Variants in ADARB2 observed in about 807,000 individuals in gnomAD.
ADARB2 encodes adenosine deaminase RNA specific B2 (inactive), also known as inactive double-stranded RNA-specific editase B2.
A neutral mutation model predicts 62.2 loss-of-function variants in ADARB2; 25 were observed. The ratio of observed to expected loss-of-function variants is 0.40; its 90% CI spans 0.29 to 0.56. The LOEUF (loss-of-function observed/expected upper bound fraction) is 0.56, where lower values mean the gene tolerates loss of function less well. ADARB2 is among the 20% of genes least tolerant of loss of function. ADARB2 has a pLI of 0.43. For synonymous variants in ADARB2, 572 were observed against 500.8 expected (o/e 1.14, Z -1.90); for missense variants, 1,071 against 1,077.4 (o/e 0.99, Z 0.08).
At chr10:1,195,400 G>GTT (rs1236059124) in intron 8 of ADARB2, among the ~76,000 whole-genome samples, 1 of 116,436 alleles carries the variant, frequency 8.6e-6, no homozygotes, top group African/African-American at 4.5e-5. Flanking sequence ...TTTTTTTTTT[G>GTT]TTTTTTTTTT....
chr10:1,443,865 G>T (rs149492773), intron 1 of ADARB2, among the ~76,000 whole-genome samples: 3 of 152,254 alleles, frequency 2.0e-5, no homozygotes, highest in African/African-American at 4.8e-5. Flanking sequence ...GGAAGGTAAA[G>T]AAATGTTTCC....
At chr10:1,216,527 C>T in intron 7 of ADARB2, 1 of 193,954 alleles carries the variant, frequency 5.2e-6, no homozygotes, top group South Asian at 9.3e-5. Context: ...ACCCAGCTGA[C>T]CTCAAGGCCT....
chr10:1,375,955 AT>A (rs1832423879), intron 2 of ADARB2, among the ~76,000 whole-genome samples: 1 of 31,422 alleles, frequency 3.2e-5, no homozygotes, highest in Non-Finnish European at 7.8e-4. Context: ...CACCACACAC[AT>A]GCACACACAC....
At chr10:1,317,715 A>G (rs1831751944) in intron 3 of ADARB2, among the ~76,000 whole-genome samples, 2 of 142,520 alleles carry the variant, frequency 1.4e-5, no homozygotes, top group Admixed American at 7.1e-5. Flanking sequence ...GGGTCCCCCA[A>G]AAGCCCATCA....
At chr10:1,430,869 C>T (rs1588255421) in intron 1 of ADARB2, among the ~76,000 whole-genome samples, 3 of 152,294 alleles carry the variant, frequency 2.0e-5, no homozygotes, top group African/African-American at 7.2e-5. Flanking sequence ...ACATAACTAT[C>T]CTAAATTTAG....
chr10:1,253,586 T>C (rs1489047893), intron 4 of ADARB2, among the ~76,000 whole-genome samples: 1 of 152,172 alleles, frequency 6.6e-6, no homozygotes, highest in Admixed American at 6.5e-5. Context: ...GATAAAAAAC[T>C]GTGCAGTCTC....
chr10:1,522,919 C>G (rs886693688), intron 1 of ADARB2, among the ~76,000 whole-genome samples: 1 of 152,118 alleles, frequency 6.6e-6, no homozygotes, highest in Non-Finnish European at 1.5e-5. Context: ...ATGGCAGGAG[C>G]GACTCCTCTC....
intron 1 of ADARB2, among the ~76,000 whole-genome samples, chr10:1,634,226 C>T (rs1045268518): frequency 6.6e-6 from 1 of 152,196 alleles, no homozygotes; most frequent in African/African-American, 2.4e-5. Context: ...GACTCAATGG[C>T]CCAAGACCTA....
intron 1 of ADARB2, among the ~76,000 whole-genome samples, chr10:1,620,208 C>A (rs1304118831): frequency 6.6e-6 from 1 of 151,576 alleles, no homozygotes; most frequent in Non-Finnish European, 1.5e-5. Flanking sequence ...AATAGAAAAC[C>A]AAAAAAATCA....
intron 1 of ADARB2, among the ~76,000 whole-genome samples, chr10:1,655,414 C>T (rs994071284): frequency 2.0e-5 from 3 of 152,210 alleles, no homozygotes; most frequent in South Asian, 2.1e-4. Flanking sequence ...GCATCTTTTC[C>T]GGGCTGAGTT....
intron 1 of ADARB2, among the ~76,000 whole-genome samples, chr10:1,543,320 G>C (rs1588295308): frequency 1.3e-5 from 2 of 152,242 alleles, no homozygotes; most frequent in East Asian, 3.9e-4. Context: ...TGGGTCTGCA[G>C]TGCAGTCAAG....
chr10:1,667,374 AT>A (rs1234186051), intron 1 of ADARB2, among the ~76,000 whole-genome samples: 1 of 152,236 alleles, frequency 6.6e-6, no homozygotes, highest in Non-Finnish European at 1.5e-5. Context: ...AATTTGGTGT[AT>A]TTAAGTTGAA....
intron 1 of ADARB2, among the ~76,000 whole-genome samples, chr10:1,455,443 A>G (rs773683653): frequency 1.3e-5 from 2 of 152,238 alleles, no homozygotes; most frequent in Non-Finnish European, 2.9e-5. Flanking sequence ...TGAAGCAGCT[A>G]GATCTAAATG....
In ADARB2 at chr10:1,698,303, A is replaced by T. The variant is rs1470147570; in HGVS notation, c.100+38748T>A. Reference sequence around the variant, plus strand: ...CAGGTGCGGGACACGGAACATTGCCACCCGTGGAATGAGGAATAGAGCTTG... The same window carrying T: ...CAGGTGCGGGACACGGAACATTGCCTCCCGTGGAATGAGGAATAGAGCTTG... On this transcript the variant is annotated intron_variant, in intron 1 of 9. Transcript: ENST00000381312. Among the ~76,000 whole-genome samples the T allele has an allele frequency of 4.6e-5, 7 of 152,242 alleles. No individual in the cohort carries two copies. In the East Asian group the frequency reaches 1.4e-3, roughly 29 times the overall value.
chr10:1,364,139 A>G (rs938385272), intron 2 of ADARB2, among the ~76,000 whole-genome samples: 6 of 152,212 alleles, frequency 3.9e-5, no homozygotes, highest in Admixed American at 3.9e-4. Context: ...GCCTGTGGCT[A>G]GGAGCTGTCG....
chr10:1,309,834 G>A lies in ADARB2; in HGVS notation c.1078-38765C>T, dbSNP rs568126112. Reference sequence around the variant, plus strand: ...TCCACTTCCCATTTGCTGCTCTCCCGGCCCCTATTTTAATTCAGGACATTA... The same window carrying A: ...TCCACTTCCCATTTGCTGCTCTCCCAGCCCCTATTTTAATTCAGGACATTA... On this transcript the variant is annotated intron_variant, in intron 3 of 9. Transcript: ENST00000381312. Among the ~76,000 whole-genome samples the A allele has an allele frequency of 5.1e-4, 77 of 152,222 alleles. 2 individuals carry two copies. The highest frequency in any genetic ancestry group is 6.8e-3 in the Middle Eastern group (2 of 294).
At chr10:1,419,923 C>T (rs1364132504) in intron 1 of ADARB2, among the ~76,000 whole-genome samples, 1 of 152,228 alleles carries the variant, frequency 6.6e-6, no homozygotes, top group East Asian at 1.9e-4. Flanking sequence ...CAGAGTCTCT[C>T]TGGACATCAT....
At chr10:1,553,537 C>T (rs1022324358) in intron 1 of ADARB2, among the ~76,000 whole-genome samples, 1 of 152,186 alleles carries the variant, frequency 6.6e-6, no homozygotes, top group Non-Finnish European at 1.5e-5. Flanking sequence ...GCAGTTTGCG[C>T]CGTCGAAAAT....
chr10:1,605,432 C>T (rs1833483186), intron 1 of ADARB2, among the ~76,000 whole-genome samples: 1 of 152,220 alleles, frequency 6.6e-6, no homozygotes, highest in South Asian at 2.1e-4. Context: ...TTGCCAATCT[C>T]TGATTCTGGA....
Sources: gnomAD v4.1 joint callset for allele counts (sites outside exome capture counted in the v4.1 genomes callset) on GRCh38, gnomAD v4.1.1 for gene constraint, MANE v1.5 for transcripts, NCBI Gene and HGNC (gene_info 2026-07-23, HGNC 2026-07-21) for gene names.